Variants in ARHGAP28 observed in about 807,000 individuals in gnomAD.
ARHGAP28 encodes Rho GTPase activating protein 28.
In ARHGAP28, 56 loss-of-function variants were observed where a neutral mutation model predicts 90.7. That is an observed-to-expected ratio of 0.62 (90% CI 0.50 to 0.77). The LOEUF (loss-of-function observed/expected upper bound fraction) is 0.77. Among genes scored for constraint, ARHGAP28 ranks in the 30% least tolerant of loss-of-function variants. The probability of loss-of-function intolerance (pLI) is 0.00; values close to 1 mark genes in which losing one functional copy is unlikely to be tolerated. For missense variants in ARHGAP28, 869 were observed against 900.9 expected, an observed-to-expected ratio of 0.96 and a Z score of 0.45; for synonymous variants, 308 against 323.3, an observed-to-expected ratio of 0.95 and a Z score of 0.51.
At position 6,861,718 on chromosome 18, in the gene ARHGAP28, A is replaced by G. The variant is rs573659007; in HGVS notation, c.726+1821A>G. Reference sequence around the variant, plus strand: ...TTTCCATGGCAGCTCCATGGCCACAATTTTATTTCTGGTAAGACTGCTGGT... The same window carrying G: ...TTTCCATGGCAGCTCCATGGCCACAGTTTTATTTCTGGTAAGACTGCTGGT... On this transcript the variant is annotated intron_variant, in intron 5 of 17. Transcript: ENST00000383472. 2.5e-4 allele frequency among the ~76,000 whole-genome samples: 38 copies of G among 152,246 alleles called. No individual in the cohort carries two copies. The South Asian group carries it at 5.2e-3, about 21-fold the overall frequency.
At chr18:6,809,141 A>T (rs971989882) in intron 1 of ARHGAP28, among the ~76,000 whole-genome samples, 14 of 152,140 alleles carry the variant, frequency 9.2e-5, no homozygotes, top group African/African-American at 3.4e-4. Flanking sequence ...TTAGAAGGCT[A>T]ATTTAATTTG....
At chr18:6,898,558 T>C (rs2057321019) in intron 16 of ARHGAP28, 1 of 1,612,942 alleles carries the variant, frequency 6.2e-7, no homozygotes, top group Non-Finnish European at 8.5e-7. Flanking sequence ...ACTATTGGCC[T>C]GGACATCTCC....
intron 1 of ARHGAP28, among the ~76,000 whole-genome samples, chr18:6,735,642 C>T (rs2055920248): frequency 6.6e-6 from 1 of 151,682 alleles, no homozygotes; most frequent in Non-Finnish European, 1.5e-5. Context: ...GTAGCCTCGA[C>T]CTCCTGGACC....
At chr18:6,887,834 G>C (rs781266182) in intron 12 of ARHGAP28, among the ~76,000 whole-genome samples, 4 of 152,190 alleles carry the variant, frequency 2.6e-5, no homozygotes, top group Non-Finnish European at 2.9e-5. Flanking sequence ...AGGCAAAAAT[G>C]AAGGCTTAAA....
chr18:6,733,008 A>G (rs2055895840), intron 1 of ARHGAP28, among the ~76,000 whole-genome samples: 1 of 152,196 alleles, frequency 6.6e-6, no homozygotes, highest in Non-Finnish European at 1.5e-5. Context: ...TTTAAAACTC[A>G]AATATCTGAG....
At position 6,792,297 on chromosome 18, in the gene ARHGAP28, AGTTTATT is replaced by A. The variant is rs928585492; in HGVS notation, c.123-32461_123-32455del. 5.3e-5 allele frequency among the ~76,000 whole-genome samples: 8 copies of A among 152,348 alleles called. 1 individual carries two copies. The highest frequency in any genetic ancestry group is 3.9e-4 in the Admixed American group (6 of 15,300). On this transcript the variant is annotated intron_variant, in intron 1 of 17. Transcript: ENST00000383472. ...CAGGTCGTACATTTAATACATGTGC[AGTTTATT>A]GTTCATCAGTTATGCTCAATGAATT...
At chr18:6,766,546 C>G (rs543350925) in intron 1 of ARHGAP28, among the ~76,000 whole-genome samples, 26 of 152,188 alleles carry the variant, frequency 1.7e-4, no homozygotes, top group Non-Finnish European at 3.2e-4. Flanking sequence ...CAGCGTGGTA[C>G]TAAACGGGGC....
In ARHGAP28 at chr18:6,747,679, C is replaced by A. The variant is rs531225949; in HGVS notation, c.122+17736C>A. Reference sequence around the variant, plus strand: ...CTCTTGAAGAGTTCATGCTTCCCCACAGAAAAAATACCCAAATAACTGGTA... The same window carrying A: ...CTCTTGAAGAGTTCATGCTTCCCCAAAGAAAAAATACCCAAATAACTGGTA... On this transcript the variant is annotated intron_variant, in intron 1 of 17. Coordinates refer to ENST00000383472, the MANE Select transcript of ARHGAP28 (RefSeq NM_001366230.1). 2.6e-5 allele frequency among the ~76,000 whole-genome samples: 4 copies of A among 152,300 alleles called. No individual in the cohort carries two copies. The South Asian group carries it at 8.3e-4, about 32-fold the overall frequency.
chr18:6,818,994 A>G (rs911616059), intron 1 of ARHGAP28, among the ~76,000 whole-genome samples: 5 of 152,372 alleles, frequency 3.3e-5, no homozygotes, highest in Middle Eastern at 6.8e-3. Flanking sequence ...TGAGACGTAC[A>G]ATACTGGCTT....
chr18:6,738,662 C>T (rs1402204437), intron 1 of ARHGAP28, among the ~76,000 whole-genome samples: 4 of 152,172 alleles, frequency 2.6e-5, no homozygotes, highest in Non-Finnish European at 5.9e-5. Flanking sequence ...TTTCTCTCCA[C>T]TTTTCCTCTC....
intron 2 of ARHGAP28, among the ~76,000 whole-genome samples, chr18:6,826,994 A>G (rs1042696060): frequency 3.3e-5 from 5 of 152,180 alleles, no homozygotes; most frequent in African/African-American, 4.8e-5. Context: ...CAGAGAGCAC[A>G]GGGTTGGGGG....
chr18:6,796,348 C>T (rs1395061982), intron 1 of ARHGAP28, among the ~76,000 whole-genome samples: 1 of 152,112 alleles, frequency 6.6e-6, no homozygotes, highest in Non-Finnish European at 1.5e-5. Context: ...TACAAATCTT[C>T]AGCTTCCCTC....
intron 1 of ARHGAP28, among the ~76,000 whole-genome samples, chr18:6,809,095 A>G (rs1194800511): frequency 2.0e-5 from 3 of 152,166 alleles, no homozygotes; most frequent in Admixed American, 1.3e-4. Flanking sequence ...CATGTGCTCT[A>G]TTTTGGAAAT....
chr18:6,862,154 C>T (rs1343166994), intron 5 of ARHGAP28, among the ~76,000 whole-genome samples: 1 of 152,104 alleles, frequency 6.6e-6, no homozygotes, highest in African/African-American at 2.4e-5. Context: ...CAAGTTATTG[C>T]TTTGGTAACT....
At chr18:6,757,409 T>C (rs779925575) in intron 1 of ARHGAP28, among the ~76,000 whole-genome samples, 1 of 152,034 alleles carries the variant, frequency 6.6e-6, no homozygotes, top group Non-Finnish European at 1.5e-5. Context: ...CAGAGATAAA[T>C]GAGAACAGAA....
chr18:6,892,932 C>T lies in ARHGAP28; in HGVS notation c.1849-1903C>T, dbSNP rs149387591. On this transcript the variant is annotated intron_variant, in intron 14 of 17. Coordinates refer to ENST00000383472, the MANE Select transcript of ARHGAP28 (RefSeq NM_001366230.1). Reference sequence around the variant, plus strand: ...TCCTGCTTGCACAGAACCTGAGGATCAGCCAGAAGTTTATGTTTTCAGCTG... The same window carrying T: ...TCCTGCTTGCACAGAACCTGAGGATTAGCCAGAAGTTTATGTTTTCAGCTG... Among the ~76,000 whole-genome samples the T allele has an allele frequency of 3.5e-4, 53 of 152,348 alleles. 1 individual carries two copies. The East Asian group carries it at 7.7e-3, about 22-fold the overall frequency.
intron 2 of ARHGAP28, among the ~76,000 whole-genome samples, chr18:6,836,869 G>GT (rs1375108260): frequency 6.6e-6 from 1 of 151,960 alleles, no homozygotes; most frequent in East Asian, 1.9e-4. Context: ...TAAGTAATGG[G>GT]TTTTTTCTAT....
chr18:6,827,164 G>A (rs779083967), intron 2 of ARHGAP28, among the ~76,000 whole-genome samples: 34 of 152,254 alleles, frequency 2.2e-4, no homozygotes, highest in Middle Eastern at 3.4e-3. Flanking sequence ...CCACAAAACC[G>A]CCATTGTCAT....
At chr18:6,847,268 C>T (rs568356944) in intron 3 of ARHGAP28, among the ~76,000 whole-genome samples, 33 of 152,162 alleles carry the variant, frequency 2.2e-4, no homozygotes, top group East Asian at 3.9e-4. Flanking sequence ...TCACACCATA[C>T]GCACACCCCC....
Sources: allele counts gnomAD v4.1 joint callset (sites outside exome capture counted in the v4.1 genomes callset), GRCh38; gene constraint gnomAD v4.1.1; transcripts MANE v1.5; gene names NCBI Gene and HGNC (gene_info 2026-07-23, HGNC 2026-07-21).